The following OXNAD1 variants were observed in gnomAD, a reference collection of about 807,000 sequenced individuals.
The protein encoded by OXNAD1 is oxidoreductase NAD binding domain containing 1.
OXNAD1 carries 34 observed loss-of-function variants against 32.9 expected under a neutral mutation model. The ratio of observed to expected loss-of-function variants is 1.03; its 90% CI spans 0.79 to 1.38. The LOEUF is 1.38. Ranked by LOEUF, OXNAD1 falls within the 40% of genes most tolerant of loss-of-function variation. OXNAD1 has a pLI of 0.00. For missense variants in OXNAD1, 407 were observed against 379.4 expected (o/e 1.07, Z -0.60); for synonymous variants, 134 against 135.2 (o/e 0.99, Z 0.06).
rs2069779623 is a variant in OXNAD1, at chr3:16,327,073, G to A, written c.*31-10039G>A. Among the ~76,000 whole-genome samples, 1 of 152,176 alleles carries A rather than the reference G, an allele frequency of 6.6e-6. No homozygotes were observed. Among genetic ancestry groups the A allele is most frequent in the African/African-American group, 2.4e-5 (1 of 41,432 alleles). On this transcript the variant is annotated intron_variant, in intron 9 of 9. Coordinates refer to the OXNAD1 transcript ENST00000435829. The surrounding 1 kb of genome is among the most constrained non-coding windows in gnomAD (Gnocchi z 4.2). ...AACTGCCAACATGGGATTTCCTTCT[G>A]GGCCCCATTTCAGTCTGTGATGTCA... is the stretch of plus-strand genomic sequence containing the variant.
rs1023675808 is a variant in OXNAD1 at position 16,280,988 on chromosome 3, A to C, written c.184-5354A>C. Among the ~76,000 whole-genome samples, 1 of 152,216 alleles carries C rather than the reference A, an allele frequency of 6.6e-6. No homozygotes were observed. The highest frequency in any genetic ancestry group is 2.4e-5 in the African/African-American group (1 of 41,450). On this transcript the variant is annotated intron_variant, in intron 4 of 8. Transcript: ENST00000285083. This position sits in a 1 kb window ranked among gnomAD's most constrained non-coding sequence, Gnocchi z 4.5. Reference sequence around the variant, plus strand: ...TCAGTTGTGAATCTTTCGATCCATTAAGTATAAGAGCCAATACAAATGATA... The same window carrying C: ...TCAGTTGTGAATCTTTCGATCCATTCAGTATAAGAGCCAATACAAATGATA...
chr3:16,295,057 G>A, intron 6 of OXNAD1, 60 bp downstream of exon 6: 2 of 1,511,578 alleles, frequency 1.3e-6, no homozygotes, highest in Non-Finnish European at 1.8e-6. Flanking sequence ...CACAAAATTT[G>A]TGTTAAGCTC....
intron 9 of OXNAD1, among the ~76,000 whole-genome samples, chr3:16,319,206 A>G (rs1399656510): frequency 1.3e-5 from 2 of 152,150 alleles, no homozygotes; most frequent in East Asian, 3.8e-4. Context: ...GTTTTTAGAA[A>G]AGGACCAGTG....
At position 16,317,052 on chromosome 3, in the gene OXNAD1, A is replaced by G. The variant is rs1575210719; in HGVS notation, c.*30+13460A>G. Reference sequence around the variant, plus strand: ...TGGACAGGGCCCTTCATCTCCTCGGAGACTCCACCCTCCTGCTGCTGTCCT... The same window carrying G: ...TGGACAGGGCCCTTCATCTCCTCGGGGACTCCACCCTCCTGCTGCTGTCCT... On this transcript the variant is annotated intron_variant, in intron 9 of 9. Transcript: ENST00000435829. This position sits in a 1 kb window ranked among gnomAD's most constrained non-coding sequence, Gnocchi z 4.3. 6.2e-7 allele frequency: 1 copy of G among 1,613,582 alleles called. No homozygotes were observed. Among genetic ancestry groups the G allele is most frequent in the Non-Finnish European group, 8.5e-7 (1 of 1,179,920 alleles).
chr3:16,308,058 C>G (rs1461309025), downstream of OXNAD1, among the ~76,000 whole-genome samples: 1 of 152,086 alleles, frequency 6.6e-6, no homozygotes, highest in Non-Finnish European at 1.5e-5. This position sits in a 1 kb window ranked among gnomAD's most constrained non-coding sequence, Gnocchi z 4.4. Flanking sequence ...GGTCACTGAG[C>G]TAGACATTGA....
chr3:16,308,549 T>G (rs990937249), downstream of OXNAD1, among the ~76,000 whole-genome samples: 1 of 152,028 alleles, frequency 6.6e-6, no homozygotes, highest in Non-Finnish European at 1.5e-5. The surrounding 1 kb of genome is among the most constrained non-coding windows in gnomAD (Gnocchi z 4.4). Context: ...TTATTTCATC[T>G]TATTTTATTT....
downstream of OXNAD1, among the ~76,000 whole-genome samples, chr3:16,310,174 C>A (rs1383705855): frequency 2.6e-5 from 4 of 152,196 alleles, no homozygotes; most frequent in Non-Finnish European, 5.9e-5. Context: ...GAGACAGGGA[C>A]TGGATTGATA....
intron 4 of OXNAD1, among the ~76,000 whole-genome samples, chr3:16,273,937 G>T (rs573334341): frequency 6.6e-6 from 1 of 151,620 alleles, no homozygotes; most frequent in African/African-American, 2.4e-5. Flanking sequence ...TCTCCCTAAG[G>T]TTATCACCAC....
downstream of OXNAD1, among the ~76,000 whole-genome samples, chr3:16,351,220 G>A (rs1277927269): frequency 1.3e-5 from 2 of 152,192 alleles, no homozygotes; most frequent in Non-Finnish European, 2.9e-5. The surrounding 1 kb of genome is among the most constrained non-coding windows in gnomAD (Gnocchi z 5.4). Flanking sequence ...TTGGGTTAGT[G>A]TCAGGCACTG....
intron 4 of OXNAD1, chr3:16,272,304 T>A: frequency 3.1e-6 from 1 of 322,890 alleles, no homozygotes; most frequent in Non-Finnish European, 6.1e-6. Flanking sequence ...AAATAAAGGA[T>A]CCTCACCCTT....
rs2068557792 is a variant in OXNAD1, at chr3:16,317,638, G to A, written c.*30+14046G>A. On this transcript the variant is annotated intron_variant, in intron 9 of 9. Coordinates refer to the OXNAD1 transcript ENST00000435829. This position sits in a 1 kb window ranked among gnomAD's most constrained non-coding sequence, Gnocchi z 4.3. ...CTCATTTCCATTCTGAGCAGGCTGA[G>A]GATTACCAGGCACGGGGCTGGCATT... 6.6e-6 allele frequency among the ~76,000 whole-genome samples: 1 copy of A among 152,174 alleles called. No homozygotes were observed. The highest frequency in any genetic ancestry group is 2.4e-5 in the African/African-American group (1 of 41,430).
rs560775336 is a variant in OXNAD1 at position 16,345,081 on chromosome 3, C to G, written c.*31-4095C>G. ...CAAGAAAACAAGGACCTCAGACCTG[C>G]AACCACAAGGCCAACAACCTAAGTG... On this transcript the variant is annotated intron_variant, in intron 9 of 9. Transcript: ENST00000606098. This position sits in a 1 kb window ranked among gnomAD's most constrained non-coding sequence, Gnocchi z 5.2. 12 of 152,374 alleles carry G rather than the reference C, an allele frequency of 7.9e-5. No homozygotes were observed. The South Asian group carries it at 1.7e-3, about 21-fold the overall frequency. 9.4% of individuals were successfully genotyped at this position (152,374 alleles called of 1,614,324 possible).
chr3:16,342,109 CAG>C (rs1272482335), downstream of OXNAD1, among the ~76,000 whole-genome samples: 3 of 152,118 alleles, frequency 2.0e-5, no homozygotes, highest in South Asian at 2.1e-4. The surrounding 1 kb of genome is among the most constrained non-coding windows in gnomAD (Gnocchi z 4.0). Context: ...ATAATATATT[CAG>C]AGTTATACAA....
At chr3:16,274,112 C>G (rs1188065409) in intron 4 of OXNAD1, among the ~76,000 whole-genome samples, 7 of 150,752 alleles carry the variant, frequency 4.6e-5, no homozygotes, top group Non-Finnish European at 1.0e-4. Context: ...TACGCTCACA[C>G]TCCCTTTTGT....
At chr3:16,272,584 A>G (rs1295105548) in intron 4 of OXNAD1, among the ~76,000 whole-genome samples, 1 of 151,550 alleles carries the variant, frequency 6.6e-6, no homozygotes, top group Non-Finnish European at 1.5e-5. Context: ...TTTTAAGGCT[A>G]ACTTCTTTCA....
downstream of OXNAD1, among the ~76,000 whole-genome samples, chr3:16,309,839 C>T (rs895210943): frequency 7.2e-5 from 11 of 152,194 alleles, no homozygotes; most frequent in African/African-American, 2.4e-4. Flanking sequence ...TTGCTTTCAG[C>T]TTTACCTTTC....
Position 16,297,668 on chromosome 3 carries a change from T to C in OXNAD1, c.432+2671T>C, listed in dbSNP as rs2125078768. Among the ~76,000 whole-genome samples, 1 of 152,314 alleles carries C rather than the reference T, an allele frequency of 6.6e-6. No individual in the cohort carries two copies. The highest frequency in any genetic ancestry group is 1.5e-5 in the Non-Finnish European group (1 of 68,024). On this transcript the variant is annotated intron_variant, in intron 6 of 8. Coordinates refer to ENST00000285083, the MANE Select transcript of OXNAD1 (RefSeq NM_138381.5). The surrounding 1 kb of genome is among the most constrained non-coding windows in gnomAD (Gnocchi z 4.3). ...AAGGGACTATTAAAGAGATGAATTA[T>C]TGATGCATGCAGCAATGTGGGTGAA...
intron 9 of OXNAD1, among the ~76,000 whole-genome samples, chr3:16,313,420 TC>T (rs1304658905): frequency 2.0e-5 from 3 of 152,046 alleles, no homozygotes; most frequent in Non-Finnish European, 4.4e-5. Flanking sequence ...TCAGACCTGC[TC>T]CTGTCTCATT....
Position 16,348,303 on chromosome 3 carries a change from TTATC to T in OXNAD1, c.*31-869_*31-866del, listed in dbSNP as rs1172097530. On this transcript the variant is annotated intron_variant, in intron 9 of 9. Transcript: ENST00000606098. The surrounding 1 kb of genome is among the most constrained non-coding windows in gnomAD (Gnocchi z 6.3). ...AGAGGCGTCTAGGAGATCACCCACA[TTATC>T]TATTATTGAAGGCATCTAGGAGATC... 3.9e-5 allele frequency among the ~76,000 whole-genome samples: 6 copies of T among 152,034 alleles called. No homozygotes were observed. Among genetic ancestry groups the T allele is most frequent in the Non-Finnish European group, 8.8e-5 (6 of 67,986 alleles).
Sources: gnomAD v4.1 joint callset for allele counts (sites outside exome capture counted in the v4.1 genomes callset) on GRCh38, gnomAD v4.1.1 for gene constraint, Gnocchi (gnomAD v3.1) non-coding constraint, MANE v1.5 for transcripts, NCBI Gene and HGNC (gene_info 2026-07-23, HGNC 2026-07-21) for gene names.